PLPP4: variants seen among roughly 807,000 people sequenced by gnomAD.
PLPP4 encodes the protein phospholipid phosphatase 4.
Under a neutral mutation model 32.2 loss-of-function variants are expected in PLPP4, and 20 were observed. The observed-to-expected ratio is 0.62, with a 90% CI of 0.44 to 0.90. The LOEUF is 0.90. PLPP4 is among the 40% of genes least tolerant of loss of function. The probability of loss-of-function intolerance (pLI) is 0.00; values close to 1 mark genes in which losing one functional copy is unlikely to be tolerated. For missense variants in PLPP4, 257 were observed against 353.1 expected (o/e 0.73, Z 2.18); for synonymous variants, 127 against 133.0 (o/e 0.95, Z 0.31).
At chr10:120,588,126 G>A (rs893879054) in intron 6 of PLPP4, among the ~76,000 whole-genome samples, 6 of 152,334 alleles carry the variant, frequency 3.9e-5, no homozygotes, top group South Asian at 2.1e-4. Context: ...AAGTCTGTAC[G>A]GTTCAACAAG....
At chr10:120,522,448 G>T (rs763844300) in intron 5 of PLPP4, among the ~76,000 whole-genome samples, 11 of 152,196 alleles carry the variant, frequency 7.2e-5, no homozygotes, top group Non-Finnish European at 1.5e-4. Flanking sequence ...GATCAGGCAG[G>T]CTTGGTAACT....
At chr10:120,505,841 GT>G (rs1341940171) in intron 2 of PLPP4, among the ~76,000 whole-genome samples, 1 of 152,142 alleles carries the variant, frequency 6.6e-6, no homozygotes, top group Non-Finnish European at 1.5e-5. Context: ...TGTGTAATGA[GT>G]TTACTCAATG....
chr10:120,488,709 C>T (rs1021421994), intron 1 of PLPP4, among the ~76,000 whole-genome samples: 6 of 152,196 alleles, frequency 3.9e-5, no homozygotes, highest in Non-Finnish European at 7.3e-5. Flanking sequence ...GGCTCTGGGT[C>T]CTCCCACCAC....
At chr10:120,524,938 A>G (rs1846323712) in intron 5 of PLPP4, among the ~76,000 whole-genome samples, 1 of 152,224 alleles carries the variant, frequency 6.6e-6, no homozygotes, top group Admixed American at 6.5e-5. Flanking sequence ...GATATGAGAG[A>G]AAAATAGAAA....
chr10:120,549,625 A>C (rs1191200294), intron 5 of PLPP4, among the ~76,000 whole-genome samples: 2 of 152,024 alleles, frequency 1.3e-5, no homozygotes, highest in Non-Finnish European at 2.9e-5. Flanking sequence ...GAATTCTCAA[A>C]TTATCAAGAT....
intron 6 of PLPP4, among the ~76,000 whole-genome samples, chr10:120,588,111 A>G (rs761277147): frequency 2.0e-5 from 3 of 152,240 alleles, no homozygotes; most frequent in Non-Finnish European, 4.4e-5. Flanking sequence ...CTGCCTGCCT[A>G]TGGGAAGTCT....
chr10:120,521,357 C>T (rs1846147284), intron 5 of PLPP4, among the ~76,000 whole-genome samples: 1 of 152,180 alleles, frequency 6.6e-6, no homozygotes. Flanking sequence ...TTTACCCCTG[C>T]ACAGTACGAT....
At chr10:120,471,652 G>A (rs943457862) in intron 1 of PLPP4, among the ~76,000 whole-genome samples, 7 of 151,784 alleles carry the variant, frequency 4.6e-5, no homozygotes, top group African/African-American at 9.7e-5. Context: ...TATGGCTCTC[G>A]TAAATAGCAT....
intron 1 of PLPP4, among the ~76,000 whole-genome samples, chr10:120,495,925 G>A (rs1844942000): frequency 6.6e-6 from 1 of 152,126 alleles, no homozygotes; most frequent in African/African-American, 2.4e-5. Flanking sequence ...CAATGGCCTT[G>A]GAAGGTATGG....
chr10:120,538,243 G>A (rs1847156040), intron 5 of PLPP4, among the ~76,000 whole-genome samples: 1 of 150,460 alleles, frequency 6.6e-6, no homozygotes, highest in Non-Finnish European at 1.5e-5. Context: ...GGTGAGGCTG[G>A]GCTGCCTCTC....
intron 1 of PLPP4, 181 bp from the exon 2 acceptor site, chr10:120,503,637 A>G (rs376372338): frequency 1.2e-6 from 2 of 1,605,426 alleles, no homozygotes; most frequent in Non-Finnish European, 1.7e-6. Context: ...AGTCTCAGTG[A>G]TTCTTTCAGT....
chr10:120,571,956 G>A (rs1039247824), intron 5 of PLPP4, among the ~76,000 whole-genome samples: 9 of 152,192 alleles, frequency 5.9e-5, no homozygotes, highest in African/African-American at 1.7e-4. Flanking sequence ...GAGCCTCATT[G>A]TGTAACTTAG....
At chr10:120,586,565 G>A (rs185964403) in intron 6 of PLPP4, among the ~76,000 whole-genome samples, 94 of 152,232 alleles carry the variant, frequency 6.2e-4, no homozygotes, top group Non-Finnish European at 1.2e-3. Context: ...ATGCTAATAT[G>A]TTACTGATGA....
chr10:120,527,117 TATCTATCA>T (rs1050278521), intron 5 of PLPP4, among the ~76,000 whole-genome samples: 18 of 70,204 alleles, frequency 2.6e-4, no homozygotes, highest in Admixed American at 2.2e-3. Context: ...TCTGTCTACC[TATCTATCA>T]ATCAATCATC....
rs567887510 is a variant in PLPP4, at chr10:120,575,388, G to C, written c.616+87G>C. 11 of 1,404,842 alleles carry C rather than the reference G, an allele frequency of 7.8e-6. No homozygotes were observed. In the South Asian group the frequency reaches 1.5e-4, roughly 19 times the overall value. The allele number at this position is 1,404,842 out of a possible 1,614,324, so 87.0% of individuals were successfully genotyped here. A position where few individuals can be genotyped will look rare whatever the true frequency, so the allele number is the denominator to read the frequency against. On this transcript the variant is annotated intron_variant, in intron 6 of 6. Coordinates refer to ENST00000398250, the MANE Select transcript of PLPP4 (RefSeq NM_001030059.3). The stretch of plus-strand genomic sequence containing the variant: ...GGTGTAGAAATGCACCAATTGTGGG[G>C]AGCTAAGTGCCCATTGTCCAAAACC...
intron 6 of PLPP4, among the ~76,000 whole-genome samples, chr10:120,588,849 C>T (rs1418029193): frequency 6.6e-6 from 1 of 152,150 alleles, no homozygotes; most frequent in Non-Finnish European, 1.5e-5. Context: ...AGTTCGAGAC[C>T]AGCCTGGCCA....
intron 1 of PLPP4, among the ~76,000 whole-genome samples, chr10:120,458,999 T>G (rs1847918800): frequency 6.6e-6 from 1 of 152,178 alleles, no homozygotes. Context: ...GGTGCTCAGA[T>G]AAAAAAGGGT....
chr10:120,460,785 A>G (rs1027838839), intron 1 of PLPP4, among the ~76,000 whole-genome samples: 26 of 152,188 alleles, frequency 1.7e-4, no homozygotes, highest in African/African-American at 4.8e-4. Context: ...AAGGTATTCC[A>G]TGTGATTTCT....
At chr10:120,548,190 A>G (rs1484044798) in intron 5 of PLPP4, among the ~76,000 whole-genome samples, 2 of 152,118 alleles carry the variant, frequency 1.3e-5, no homozygotes, top group East Asian at 3.9e-4. Flanking sequence ...TAATAAGCAT[A>G]GTACTCAATA....
Sources: allele counts gnomAD v4.1 joint callset (sites outside exome capture counted in the v4.1 genomes callset), GRCh38; gene constraint gnomAD v4.1.1; transcripts MANE v1.5; gene names NCBI Gene and HGNC (gene_info 2026-07-23, HGNC 2026-07-21).